Variants in TRAPPC9 observed in about 807,000 individuals in gnomAD.
TRAPPC9 encodes the protein trafficking protein particle complex subunit 9, also known as IKK2 binding protein.
In TRAPPC9, 83 loss-of-function variants were observed where a neutral mutation model predicts 124.0. The ratio of observed to expected loss-of-function variants is 0.67; its 90% CI spans 0.56 to 0.80. TRAPPC9 has a LOEUF of 0.80. Among genes scored for constraint, TRAPPC9 ranks in the 30% least tolerant of loss-of-function variants. The pLI is 0.00. For missense variants in TRAPPC9, 1,302 were observed against 1,508.3 expected (o/e 0.86, Z 2.27); for synonymous variants, 638 against 617.5 (o/e 1.03, Z -0.49).
chr8:140,287,091 G>A (rs1324217012), intron 13 of TRAPPC9, among the ~76,000 whole-genome samples: 1 of 152,170 alleles, frequency 6.6e-6, no homozygotes, highest in Non-Finnish European at 1.5e-5. Context: ...GCAGCCAGAG[G>A]AGAGGGCATG....
intron 17 of TRAPPC9, among the ~76,000 whole-genome samples, chr8:140,071,639 G>A (rs4585732): frequency 0.019 from 2,853 of 152,122 alleles, 75 homozygotes; most frequent in African/African-American, 0.059. Context: ...AGATGGGGAC[G>A]GTAACGCCTG....
intron 19 of TRAPPC9, among the ~76,000 whole-genome samples, chr8:139,988,105 C>CTTTTT (rs773534032): frequency 6.1e-5 from 7 of 114,474 alleles, no homozygotes; most frequent in African/African-American, 2.0e-4. Context: ...GATACCACCT[C>CTTTTT]TTTTTTTTTT....
chr8:139,981,952 C>T (rs1203702403), intron 19 of TRAPPC9, among the ~76,000 whole-genome samples: 2 of 152,186 alleles, frequency 1.3e-5, no homozygotes, highest in Non-Finnish European at 2.9e-5. Flanking sequence ...CCTCTAAATG[C>T]GGTGTCCCTG....
intron 18 of TRAPPC9, among the ~76,000 whole-genome samples, chr8:140,002,156 C>A (rs1445540541): frequency 4.0e-5 from 6 of 151,760 alleles, no homozygotes; most frequent in Non-Finnish European, 5.9e-5. Flanking sequence ...ACCCTTCATA[C>A]CAATAATACT....
At chr8:140,022,779 G>A (rs1839897619) in intron 18 of TRAPPC9, among the ~76,000 whole-genome samples, 1 of 152,158 alleles carries the variant, frequency 6.6e-6, no homozygotes, top group South Asian at 2.1e-4. Context: ...GGTCTTGGCA[G>A]GAAAGGCTCT....
intron 17 of TRAPPC9, among the ~76,000 whole-genome samples, chr8:140,058,104 C>G (rs1183115874): frequency 1.3e-5 from 2 of 152,188 alleles, no homozygotes; most frequent in Admixed American, 6.5e-5. Context: ...GGGACACTGT[C>G]CTGTTTGGTT....
At chr8:139,973,066 G>A (rs987938597) in intron 19 of TRAPPC9, among the ~76,000 whole-genome samples, 4 of 152,198 alleles carry the variant, frequency 2.6e-5, no homozygotes, top group African/African-American at 9.7e-5. Flanking sequence ...GAGCGCAGGT[G>A]GAATTTAAAA....
intron 18 of TRAPPC9, among the ~76,000 whole-genome samples, chr8:140,017,604 A>ATGGTC: frequency 6.6e-6 from 1 of 152,180 alleles, no homozygotes. Context: ...TACACCAATA[A>ATGGTC]CATACTCTCT....
At chr8:140,456,769 A>G (rs2071680573) in intron 1 of TRAPPC9, 1 of 984,926 alleles carries the variant, frequency 1.0e-6, no homozygotes, top group Non-Finnish European at 1.2e-6. Flanking sequence ...TGGGGCCGTG[A>G]GGGATGGAAG....
chr8:140,208,994 C>T (rs940252677), intron 17 of TRAPPC9, among the ~76,000 whole-genome samples: 2 of 152,168 alleles, frequency 1.3e-5, no homozygotes, highest in Admixed American at 6.5e-5. Context: ...ACCAATCCCC[C>T]GTGTATACCA....
chr8:140,232,690 G>C (rs1322249426), intron 16 of TRAPPC9, among the ~76,000 whole-genome samples: 1 of 152,146 alleles, frequency 6.6e-6, no homozygotes. Context: ...CCCAGGTTTT[G>C]TGTCTTTTGT....
intron 19 of TRAPPC9, among the ~76,000 whole-genome samples, chr8:139,969,422 G>A (rs1297196428): frequency 6.6e-6 from 1 of 152,246 alleles, no homozygotes; most frequent in Non-Finnish European, 1.5e-5. Context: ...TATTTGGAAT[G>A]GCCAAGCAAG....
intron 9 of TRAPPC9, among the ~76,000 whole-genome samples, chr8:140,359,022 T>A (rs2067845322): frequency 6.6e-6 from 1 of 152,060 alleles, no homozygotes; most frequent in South Asian, 2.1e-4. Flanking sequence ...GAGAACCACA[T>A]CACCCAGGGT....
intron 17 of TRAPPC9, among the ~76,000 whole-genome samples, chr8:140,116,927 G>C (rs368942974): frequency 2.7e-5 from 4 of 150,742 alleles, no homozygotes; most frequent in African/African-American, 7.4e-5. Flanking sequence ...GGAGTTCAGT[G>C]AGTAGGCGGA....
rs540383477 is a variant in TRAPPC9, at chr8:139,776,659, T to G, written c.3056-44457A>C. ...CGTCATCTGCCTGTGTGCACGTGTG[T>G]GTCTGTGTGTGTGTGCGCACACACA... On this transcript the variant is annotated intron_variant, in intron 21 of 22. Transcript: ENST00000438773. This position sits in a 1 kb window ranked among gnomAD's most constrained non-coding sequence, Gnocchi z 4.1. 1.3e-5 allele frequency among the ~76,000 whole-genome samples: 2 copies of G among 152,122 alleles called. No individual in the cohort carries two copies. Among genetic ancestry groups the G allele is most frequent in the South Asian group, 4.2e-4 (2 of 4,804 alleles).
At chr8:140,436,256 G>T (rs11996385) in intron 3 of TRAPPC9, among the ~76,000 whole-genome samples, 4,201 of 152,246 alleles carry the variant, frequency 0.028, 191 homozygotes, top group African/African-American at 0.091. Flanking sequence ...TGAGGCAAGA[G>T]AATCGCTTGA....
intron 17 of TRAPPC9, among the ~76,000 whole-genome samples, chr8:140,078,394 C>T (rs932966142): frequency 1.5e-4 from 23 of 152,118 alleles, no homozygotes; most frequent in Non-Finnish European, 3.1e-4. Context: ...TTGATCCCAC[C>T]AAAATCTTGG....
intron 17 of TRAPPC9, among the ~76,000 whole-genome samples, chr8:140,207,003 G>A (rs546914365): frequency 2.6e-5 from 4 of 152,280 alleles, no homozygotes; most frequent in African/African-American, 7.2e-5. Context: ...GTCTAGTGGG[G>A]TGACAGACAA....
chr8:139,895,391 T>A (rs1004490626), intron 20 of TRAPPC9, among the ~76,000 whole-genome samples: 3 of 151,944 alleles, frequency 2.0e-5, no homozygotes, highest in African/African-American at 7.3e-5. Context: ...TAAAAAAAAA[T>A]TACGGTAAAA....
Sources: allele counts gnomAD v4.1 joint callset (sites outside exome capture counted in the v4.1 genomes callset), GRCh38; gene constraint gnomAD v4.1.1; non-coding constraint Gnocchi (gnomAD v3.1); transcripts MANE v1.5; gene names NCBI Gene and HGNC (gene_info 2026-07-23, HGNC 2026-07-21).